Variants in SLC19A1 observed in about 807,000 individuals in gnomAD.
SLC19A1 encodes reduced folate transporter.
SLC19A1 carries 37 observed loss-of-function variants against 35.3 expected under a neutral mutation model. That is an observed-to-expected ratio of 1.05 (90% CI 0.81 to 1.38). The LOEUF (loss-of-function observed/expected upper bound fraction) is 1.38, where lower values mean the gene tolerates loss of function less well. SLC19A1 is among the 40% of genes most tolerant of loss of function. The pLI is 0.00. For missense variants in SLC19A1, 831 were observed against 826.9 expected, an observed-to-expected ratio of 1.00 and a Z score of -0.06; for synonymous variants, 460 against 398.5, an observed-to-expected ratio of 1.15 and a Z score of -1.84.
chr21:45,534,117 G>A lies in SLC19A1; in HGVS notation c.190-1969C>T, dbSNP rs533607030. 2.0e-5 allele frequency among the ~76,000 whole-genome samples: 3 copies of A among 152,216 alleles called. No individual in the cohort carries two copies. The highest frequency in any genetic ancestry group is 7.2e-5 in the African/African-American group (3 of 41,462). ...ACATTCCGGGACACTCTGAGGGCAGGTTATGTGCCAGGAGGCTGAGTGAGC... is the reference window on the plus strand; with the variant it reads ...ACATTCCGGGACACTCTGAGGGCAGATTATGTGCCAGGAGGCTGAGTGAGC... On this transcript the variant is annotated intron_variant, in intron 2 of 5. Transcript: ENST00000311124. The surrounding 1 kb of genome is among the most constrained non-coding windows in gnomAD (Gnocchi z 4.2).
chr21:45,504,149 C>G, intron 3 of SLC19A1: 1 of 1,427,596 alleles, frequency 7.0e-7, no homozygotes, highest in Non-Finnish European at 9.9e-7. Context: ...GGCCCAAGCC[C>G]CCTTCCTGTT....
chr21:45,509,228 G>T, downstream of SLC19A1: 1 of 1,287,132 alleles, frequency 7.8e-7, no homozygotes. Flanking sequence ...CCCCAGAGTC[G>T]GGGGCGCAGC....
chr21:45,509,627 G>A (rs2037453043), downstream of SLC19A1: 7 of 1,251,702 alleles, frequency 5.6e-6, no homozygotes, highest in Non-Finnish European at 7.9e-6. Context: ...AAGTGGGCTT[G>A]GCTCCATCTA....
At position 45,533,705 on chromosome 21, in the gene SLC19A1, G is replaced by C. The variant is rs2078013217; in HGVS notation, c.190-1557C>G. On this transcript the variant is annotated intron_variant, in intron 2 of 5. Coordinates refer to ENST00000311124, the MANE Select transcript of SLC19A1 (RefSeq NM_194255.4). This position sits in a 1 kb window ranked among gnomAD's most constrained non-coding sequence, Gnocchi z 4.5. Reference sequence around the variant, plus strand: ...CACCAGTAACCCCACAGCCCCACTCGTGCTGCCCCAGGTGACCTCAGCCCC... The same window carrying C: ...CACCAGTAACCCCACAGCCCCACTCCTGCTGCCCCAGGTGACCTCAGCCCC... Among the ~76,000 whole-genome samples the C allele has an allele frequency of 6.6e-6, 1 of 151,960 alleles. No individual in the cohort carries two copies. Among genetic ancestry groups the C allele is most frequent in the South Asian group, 2.1e-4 (1 of 4,822 alleles).
chr21:45,554,587 C>T (rs1272324686), intron 1 of SLC19A1, among the ~76,000 whole-genome samples: 1 of 138,452 alleles, frequency 7.2e-6, no homozygotes, highest in Non-Finnish European at 1.5e-5. Context: ...TTGTGCCTGG[C>T]CAGGGGCACT....
chr21:45,561,312 C>T (rs1267893090), intron 1 of SLC19A1, among the ~76,000 whole-genome samples: 2 of 152,194 alleles, frequency 1.3e-5, no homozygotes, highest in Non-Finnish European at 1.5e-5. Context: ...CTTGCCATGC[C>T]ATTCACTTGT....
At chr21:45,543,307 C>T (rs566398719), upstream of SLC19A1, among the ~76,000 whole-genome samples, 2 of 152,306 alleles carry the variant, frequency 1.3e-5, no homozygotes, top group East Asian at 1.9e-4. Flanking sequence ...CTGGAGTTAC[C>T]CAGGGCCTGG....
At position 45,514,861 on chromosome 21, in the gene SLC19A1, C is replaced by T; in HGVS notation, c.*797G>A. The T allele has an allele frequency of 3.8e-6, 3 of 790,158 alleles. No homozygotes were observed. The highest frequency in any genetic ancestry group is 5.7e-6 in the Non-Finnish European group (3 of 527,608). The allele number at this position is 790,158 out of a possible 1,614,324, so 48.9% of individuals were successfully genotyped here. A position where few individuals can be genotyped will look rare whatever the true frequency, so the allele number is the denominator to read the frequency against. On this transcript the variant is annotated 3_prime_UTR_variant, in exon 6 of 6. Transcript: ENST00000311124. Reference sequence around the variant, plus strand: ...GCGCCCACCACAAAGGCAGCCCCCCCAAGGCTGCCCAGCCCAGGCAAGCCT... The same window carrying T: ...GCGCCCACCACAAAGGCAGCCCCCCTAAGGCTGCCCAGCCCAGGCAAGCCT...
chr21:45,532,059 C>T lies in SLC19A1; in HGVS notation c.279G>A (p.Thr93=), dbSNP rs771627974. 2 of 1,612,494 alleles carry T rather than the reference C, an allele frequency of 1.2e-6. No homozygotes were observed. Among genetic ancestry groups the T allele is most frequent in the Non-Finnish European group, 1.7e-6 (2 of 1,179,732 alleles). Residue 93 remains threonine, a synonymous_variant, in exon 3 of 6, where the codon ACG becomes ACA. Coordinates refer to ENST00000311124, the MANE Select transcript of SLC19A1 (RefSeq NM_194255.4). ...VFLLTDYLRY[T]PVLLLQGLSF... is the part of the protein sequence containing the mutation. ...TGAGCCCCTGCAGCAGCAGCACCGG[C>T]GTGTAGCGCAGGTAGTCGGTGAGCA...
chr21:45,514,264 C>CCCT lies in SLC19A1; in HGVS notation c.*1393_*1394insAGG, dbSNP rs1555877868. On this transcript the variant is annotated 3_prime_UTR_variant, in exon 6 of 6. Transcript: ENST00000311124. The stretch of plus-strand genomic sequence containing the variant: ...AGGAAATGGCTGGTGCAGACCCCCC[C>CCCT]CCAAGCAGGGTCCCCAGGGTGGCCA... The CCCT allele has an allele frequency of 6.6e-6, 1 of 152,060 alleles. No individual in the cohort carries two copies. Among genetic ancestry groups the CCCT allele is most frequent in the Non-Finnish European group, 1.5e-5 (1 of 68,102 alleles). 9.4% of individuals were successfully genotyped at this position (152,060 alleles called of 1,614,324 possible). A position where few individuals can be genotyped will look rare whatever the true frequency, so the allele number is the denominator to read the frequency against.
downstream of SLC19A1, chr21:45,511,230 G>A (rs776184676): frequency 2.2e-5 from 33 of 1,508,492 alleles, no homozygotes; most frequent in Non-Finnish European, 3.0e-5. Context: ...CCACCTGGTA[G>A]GTTCCCAGTG....
rs554603235 is a variant in SLC19A1, at chr21:45,529,674, CAT to C, written c.1151+1094_1151+1095del. On this transcript the variant is annotated intron_variant, in intron 4 of 5. Coordinates refer to ENST00000311124, the MANE Select transcript of SLC19A1 (RefSeq NM_194255.4). ...CATGTGTGAACGTGTGGTGTGTGTC[CAT>C]GTGTGAGCATGTGTTGTGTGTCCGT... is the stretch of plus-strand genomic sequence containing the variant. Among the ~76,000 whole-genome samples, 136 of 149,814 alleles carry C rather than the reference CAT, an allele frequency of 9.1e-4. 1 individual carries two copies. The highest frequency in any genetic ancestry group is 3.3e-3 in the African/African-American group (132 of 40,600).
chr21:45,546,620 A>C (rs990853143), upstream of SLC19A1, among the ~76,000 whole-genome samples: 4 of 152,256 alleles, frequency 2.6e-5, no homozygotes, highest in Non-Finnish European at 5.9e-5. Flanking sequence ...GGGAGGTTTG[A>C]ACCTCTTTGG....
downstream of SLC19A1, chr21:45,510,109 G>A (rs777150540): frequency 2.5e-6 from 4 of 1,594,410 alleles, no homozygotes; most frequent in East Asian, 4.6e-5. Context: ...CGGCATGCGG[G>A]GCATCCGCGG....
chr21:45,524,949 G>A (rs112628385), intron 5 of SLC19A1, among the ~76,000 whole-genome samples: 3,402 of 152,352 alleles, frequency 0.022, 129 homozygotes, highest in African/African-American at 0.078. Flanking sequence ...GTGGCACAGG[G>A]CCACGTGGCC....
chr21:45,529,616 T>C (rs1037455367), intron 4 of SLC19A1, among the ~76,000 whole-genome samples: 1 of 12,742 alleles, frequency 7.8e-5, no homozygotes, highest in Non-Finnish European at 1.3e-4. Context: ...TGTCCATGTG[T>C]GAACGTGTCC....
Position 45,505,436 on chromosome 21 carries a change from GTGTC to G in SLC19A1, c.498-6828_498-6825del, listed in dbSNP as rs1231114515. 7 of 1,519,110 alleles carry G rather than the reference GTGTC, an allele frequency of 4.6e-6. No individual in the cohort carries two copies. The highest frequency in any genetic ancestry group is 1.4e-5 in the African/African-American group (1 of 73,390). 94.1% of individuals were successfully genotyped at this position (1,519,110 alleles called of 1,614,324 possible). A position where few individuals can be genotyped will look rare whatever the true frequency, so the allele number is the denominator to read the frequency against. On this transcript the variant is annotated intron_variant, in intron 3 of 4. Transcript: ENST00000417954. ...ACCATGGGCGCCTCCTCAGGGGTAA[GTGTC>G]TGGGCAGCCGGCTGGGCACCTGCGT... is the stretch of plus-strand genomic sequence containing the variant.
At chr21:45,532,818 T>A (rs1266871538) in intron 2 of SLC19A1, among the ~76,000 whole-genome samples, 1 of 152,178 alleles carries the variant, frequency 6.6e-6, no homozygotes, top group Non-Finnish European at 1.5e-5. Flanking sequence ...CCCATACACA[T>A]TCACACCAGC....
downstream of SLC19A1, among the ~76,000 whole-genome samples, chr21:45,508,859 G>T (rs986018072): frequency 6.6e-6 from 1 of 152,206 alleles, no homozygotes; most frequent in African/African-American, 2.4e-5. Context: ...GGTGCAGGTG[G>T]ATGGCAATGG....
Sources: allele counts gnomAD v4.1 joint callset (sites outside exome capture counted in the v4.1 genomes callset), GRCh38; gene constraint gnomAD v4.1.1; non-coding constraint Gnocchi (gnomAD v3.1); transcripts MANE v1.5; gene names NCBI Gene and HGNC (gene_info 2026-07-23, HGNC 2026-07-21).